The following TUSC3 variants were observed in gnomAD, a reference collection of about 807,000 sequenced individuals.
TUSC3 encodes dolichyl-diphosphooligosaccharide--protein glycosyltransferase subunit TUSC3.
A neutral mutation model predicts 44.8 loss-of-function variants in TUSC3; 45 were observed. The observed-to-expected ratio is 1.00, with a 90% CI of 0.79 to 1.29. The LOEUF is 1.29. Ranked by LOEUF, TUSC3 falls within the 50% of genes most tolerant of loss-of-function variation. The pLI is 0.00. For synonymous variants in TUSC3, 212 were observed against 152.9 expected, an observed-to-expected ratio of 1.39 and a Z score of -2.85; for missense variants, 519 against 437.9, an observed-to-expected ratio of 1.19 and a Z score of -1.65.
intron 1 of TUSC3, among the ~76,000 whole-genome samples, chr8:15,610,884 C>G (rs1804734696): frequency 6.6e-6 from 1 of 152,072 alleles, no homozygotes; most frequent in Non-Finnish European, 1.5e-5. Flanking sequence ...GGGAAAATTT[C>G]TGAGGAGAGT....
intron 1 of TUSC3, among the ~76,000 whole-genome samples, chr8:15,566,529 T>C (rs1375107461): frequency 6.6e-6 from 1 of 152,086 alleles, no homozygotes; most frequent in Non-Finnish European, 1.5e-5. Flanking sequence ...GGAAAAAAGT[T>C]TACCACTTTT....
the TUSC3 span, among the ~76,000 whole-genome samples, chr8:15,813,559 T>A: frequency 1.3e-5 from 2 of 152,126 alleles, no homozygotes; most frequent in Admixed American, 1.3e-4. Flanking sequence ...TACTGTAAAT[T>A]TTAAGGCACA....
At chr8:15,838,778 A>G in the TUSC3 span, among the ~76,000 whole-genome samples, 3 of 152,098 alleles carry the variant, frequency 2.0e-5, no homozygotes, top group African/African-American at 7.2e-5. Context: ...TATAGTTTGA[A>G]ATCAGGTAGC....
At position 15,428,466 on chromosome 8, in the gene TUSC3, G is replaced by A. The variant is rs1448595404; in HGVS notation, n.91+11161G>A. On this transcript the variant is annotated intron_variant and non_coding_transcript_variant, in intron 1 of 5. Transcript: ENST00000503191. ...TGTCTTTATAGCAGCATGATTTATA[G>A]TCCTTTGGGTATATACCCAGTAATG... Among the ~76,000 whole-genome samples, 22 of 151,430 alleles carry A rather than the reference G, an allele frequency of 1.5e-4. No homozygotes were observed. In the East Asian group the frequency reaches 3.7e-3, roughly 26 times the overall value.
chr8:15,589,310 T>C (rs2129149686), intron 1 of TUSC3, among the ~76,000 whole-genome samples: 2 of 152,286 alleles, frequency 1.3e-5, no homozygotes, highest in South Asian at 4.1e-4. Flanking sequence ...ACTATTTACA[T>C]TTTGATTCAG....
At chr8:15,669,147 T>C (rs972837866) in intron 5 of TUSC3, among the ~76,000 whole-genome samples, 1 of 151,798 alleles carries the variant, frequency 6.6e-6, no homozygotes, top group Non-Finnish European at 1.5e-5. Context: ...AACACATCAC[T>C]ATTAAGGTTG....
chr8:15,709,382 A>G (rs535604793), intron 6 of TUSC3, among the ~76,000 whole-genome samples: 5 of 152,026 alleles, frequency 3.3e-5, no homozygotes, highest in African/African-American at 1.2e-4. Context: ...TAGAGAAATT[A>G]GATTTTGTAT....
chr8:15,660,549 T>C (rs1697666405), intron 4 of TUSC3, among the ~76,000 whole-genome samples: 1 of 151,936 alleles, frequency 6.6e-6, no homozygotes, highest in South Asian at 2.1e-4. Flanking sequence ...CCAGTTATTT[T>C]AAAAGTACGT....
intron 6 of TUSC3, among the ~76,000 whole-genome samples, chr8:15,709,479 TC>T (rs1204301824): frequency 6.6e-6 from 1 of 151,894 alleles, no homozygotes; most frequent in African/African-American, 2.4e-5. Flanking sequence ...TTTTATGCCT[TC>T]TTCATTTTTG....
intron 2 of TUSC3, among the ~76,000 whole-genome samples, chr8:15,498,627 CTA>C (rs905394590): frequency 9.8e-4 from 149 of 152,136 alleles, no homozygotes; most frequent in African/African-American, 3.5e-3. Flanking sequence ...TGGAAATAAC[CTA>C]TGTTTTAGAT....
intron 1 of TUSC3, among the ~76,000 whole-genome samples, chr8:15,610,929 C>A (rs747298675): frequency 1.8e-4 from 28 of 152,186 alleles, no homozygotes; most frequent in Non-Finnish European, 3.8e-4. Flanking sequence ...AAGAGTGTTA[C>A]TGGACTTATT....
chr8:15,440,920 C>G (rs1175946982), intron 1 of TUSC3, among the ~76,000 whole-genome samples: 1 of 152,142 alleles, frequency 6.6e-6, no homozygotes, highest in Non-Finnish European at 1.5e-5. Context: ...AAACCATTGC[C>G]AAGTTATGTT....
At chr8:15,552,335 G>GT (rs1294632632) in intron 1 of TUSC3, among the ~76,000 whole-genome samples, 1 of 151,728 alleles carries the variant, frequency 6.6e-6, no homozygotes, top group African/African-American at 2.4e-5. Context: ...GGTAGGTACA[G>GT]TGCTGGATTT....
chr8:15,519,656 C>G (rs1801267748), intron 2 of TUSC3, among the ~76,000 whole-genome samples: 1 of 152,146 alleles, frequency 6.6e-6, no homozygotes, highest in Non-Finnish European at 1.5e-5. Flanking sequence ...CAGTTTCATC[C>G]TGAAACCATC....
intron 2 of TUSC3, among the ~76,000 whole-genome samples, chr8:15,496,922 C>A (rs777200140): frequency 6.6e-6 from 1 of 151,914 alleles, no homozygotes; most frequent in Non-Finnish European, 1.5e-5. Context: ...TCATTCATTG[C>A]ACGAATATTG....
At chr8:15,482,968 G>A (rs1800682700) in intron 1 of TUSC3, among the ~76,000 whole-genome samples, 1 of 151,916 alleles carries the variant, frequency 6.6e-6, no homozygotes, top group Non-Finnish European at 1.5e-5. Context: ...TAAAACACTG[G>A]TAATTAAGCT....
rs563568760 is a variant in TUSC3, at chr8:15,666,930, T to G, written c.708+4634T>G. ...TTTAGGATATACTTAATATATCTAA[T>G]TCTTAATTTTCTGTAGTAGGAGTAA... On this transcript the variant is annotated intron_variant, in intron 5 of 10. Coordinates refer to ENST00000503731, the MANE Select transcript of TUSC3 (RefSeq NM_006765.4). Among the ~76,000 whole-genome samples, 8 of 151,634 alleles carry G rather than the reference T, an allele frequency of 5.3e-5. No individual in the cohort carries two copies. In the South Asian group the frequency reaches 1.7e-3, roughly 31 times the overall value.
At chr8:15,691,776 TGTTTTTGTTTG>T (rs1563175417) in intron 6 of TUSC3, among the ~76,000 whole-genome samples, 2 of 126,718 alleles carry the variant, frequency 1.6e-5, no homozygotes, top group African/African-American at 3.0e-5. Context: ...AGGTGGTTTT[TGTTTTTGTTTG>T]GTTTTTGTTT....
chr8:15,457,687 C>G (rs923120686), intron 1 of TUSC3, among the ~76,000 whole-genome samples: 1 of 147,650 alleles, frequency 6.8e-6, no homozygotes, highest in South Asian at 2.1e-4. Context: ...ATTGCATTCA[C>G]AAAATAAAAT....
Sources: gnomAD v4.1 joint callset for allele counts (sites outside exome capture counted in the v4.1 genomes callset) on GRCh38, gnomAD v4.1.1 for gene constraint, MANE v1.5 for transcripts, NCBI Gene and HGNC (gene_info 2026-07-23, HGNC 2026-07-21) for gene names.